MAPK6: variants seen among roughly 807,000 people sequenced by gnomAD.
The protein encoded by MAPK6 is mitogen-activated protein kinase 6, also known as ERK-3.
In MAPK6, 19 loss-of-function variants were observed where a neutral mutation model predicts 59.3. The observed-to-expected ratio is 0.32, with a 90% CI of 0.22 to 0.47. MAPK6 has a LOEUF of 0.47. Ranked by LOEUF, MAPK6 falls within the 20% of genes least tolerant of loss-of-function variation. The pLI, the probability that MAPK6 is intolerant of heterozygous loss-of-function variation, is 1.00. For synonymous variants in MAPK6, 316 were observed against 290.3 expected, an observed-to-expected ratio of 1.09 and a Z score of -0.90; for missense variants, 724 against 847.9, an observed-to-expected ratio of 0.85 and a Z score of 1.81.
At chr15:52,005,825 A>G (rs749898212) in intron 3 of MAPK6, among the ~76,000 whole-genome samples, 1 of 152,182 alleles carries the variant, frequency 6.6e-6, no homozygotes, top group African/African-American at 2.4e-5. Context: ...CGTTGGTGCC[A>G]AGACATCAGA....
At chr15:52,044,776 A>C (rs1312487156) in intron 1 of MAPK6, among the ~76,000 whole-genome samples, 2 of 152,146 alleles carry the variant, frequency 1.3e-5, no homozygotes, top group Non-Finnish European at 2.9e-5. Flanking sequence ...CTTCATATAC[A>C]TACCACCCAG....
chr15:52,046,619 T>C lies in MAPK6; in HGVS notation c.159T>C (p.Leu53=). The change falls in exon 2 of 6, where the codon CTT becomes CTC. Residue 53 remains leucine, a synonymous_variant. Coordinates refer to ENST00000261845, the MANE Select transcript of MAPK6 (RefSeq NM_002748.4). ...GAGTAGCCATCAAGAAAATTGTCCT[T>C]ACTGATCCCCAGAGTGTCAAACATG... The part of the protein sequence containing the change: ...DKRVAIKKIV[L]TDPQSVKHAL... The C allele has an allele frequency of 2.5e-6, 4 of 1,614,218 alleles. No homozygotes were observed. The highest frequency in any genetic ancestry group is 3.4e-6 in the Non-Finnish European group (4 of 1,180,028).
intron 2 of MAPK6, among the ~76,000 whole-genome samples, chr15:51,990,689 G>A (rs1294922740): frequency 1.3e-5 from 2 of 152,154 alleles, no homozygotes; most frequent in Admixed American, 6.5e-5. Flanking sequence ...AGTGGCTCAC[G>A]CCTGTAATCC....
chr15:52,019,049 A>G (rs1165162998), upstream of MAPK6: 2 of 152,142 alleles, frequency 1.3e-5, no homozygotes, highest in South Asian at 2.1e-4. Flanking sequence ...CCCCCAGGAG[A>G]CGCCGGACGA....
upstream of MAPK6, among the ~76,000 whole-genome samples, chr15:52,015,971 C>T (rs1212062089): frequency 2.0e-5 from 3 of 147,672 alleles, no homozygotes; most frequent in Non-Finnish European, 4.5e-5. Flanking sequence ...CAGGAGAATA[C>T]CTTGAACCTG....
At chr15:52,000,176 C>T (rs1025005983) in intron 2 of MAPK6, among the ~76,000 whole-genome samples, 1 of 151,788 alleles carries the variant, frequency 6.6e-6, no homozygotes, top group South Asian at 2.1e-4. Flanking sequence ...TGGGCTCAAG[C>T]TGTCCTCCTG....
rs926331013 is a variant in MAPK6 at position 52,046,228 on chromosome 15, G to A, written c.-233G>A. On this transcript the variant is annotated 5_prime_UTR_variant, in exon 2 of 6. Coordinates refer to ENST00000261845, the MANE Select transcript of MAPK6 (RefSeq NM_002748.4). ...TTGCTGCCCCTTTCTTGAACTATGAGTACTGCAATCTTTTTAATTCTCAAT... is the reference window on the plus strand; with the variant it reads ...TTGCTGCCCCTTTCTTGAACTATGAATACTGCAATCTTTTTAATTCTCAAT... The A allele has an allele frequency of 5.1e-5, 22 of 430,454 alleles. No homozygotes were observed. The highest frequency in any genetic ancestry group is 6.3e-4 in the Middle Eastern group (1 of 1,592). The allele number at this position is 430,454 out of a possible 1,614,324, so 26.7% of individuals were successfully genotyped here.
At chr15:52,052,187 A>G (rs1359683674) in intron 3 of MAPK6, among the ~76,000 whole-genome samples, 1 of 152,194 alleles carries the variant, frequency 6.6e-6, no homozygotes, top group African/African-American at 2.4e-5. Flanking sequence ...AGATGTTGGT[A>G]AGGGCAGCAG....
intron 3 of MAPK6, among the ~76,000 whole-genome samples, chr15:52,055,257 T>G (rs1459957166): frequency 1.3e-5 from 2 of 152,040 alleles, no homozygotes; most frequent in African/African-American, 4.8e-5. Flanking sequence ...AAAACAAAAA[T>G]GTAGCTGGGT....
chr15:52,054,731 C>T (rs4775997), intron 3 of MAPK6, among the ~76,000 whole-genome samples: 5,561 of 144,352 alleles, frequency 0.039, 229 homozygotes, highest in African/African-American at 0.098. Context: ...TATATCTATA[C>T]ACACACACAC....
At chr15:52,023,518 G>A (rs575126528) in intron 1 of MAPK6, among the ~76,000 whole-genome samples, 1 of 152,350 alleles carries the variant, frequency 6.6e-6, no homozygotes, top group East Asian at 1.9e-4. Context: ...TAAGGTGACA[G>A]TGATTTGGGC....
intron 2 of MAPK6, among the ~76,000 whole-genome samples, chr15:51,985,957 C>CAAAA (rs1179326978): frequency 8.0e-5 from 11 of 137,184 alleles, no homozygotes; most frequent in South Asian, 2.4e-4. Context: ...GACTCCGTCT[C>CAAAA]AAAAAAAAAA....
chr15:52,046,578 A>C lies in MAPK6; in HGVS notation c.118A>C (p.Asn40His), dbSNP rs1845193334. 6.2e-7 allele frequency: 1 copy of C among 1,614,062 alleles called. No homozygotes were observed. The highest frequency in any genetic ancestry group is 8.5e-7 in the Non-Finnish European group (1 of 1,180,024). Residue 40 changes from asparagine (N) to histidine (H), a missense_variant, in exon 2 of 6, where the codon AAT (asparagine) becomes CAT (histidine). Coordinates refer to ENST00000261845, the MANE Select transcript of MAPK6 (RefSeq NM_002748.4). Reference sequence around the variant, plus strand: ...TGGCTTGGTTTTTTCTGCTGTAGACAATGACTGTGACAAAAGAGTAGCCAT... The same window carrying C: ...TGGCTTGGTTTTTTCTGCTGTAGACCATGACTGTGACAAAAGAGTAGCCAT... ...GNGLVFSAVD[N>H]DCDKRVAIKK...
intron 2 of MAPK6, 83 bp from the exon 3 acceptor site, chr15:52,049,910 G>A (rs1201391556): frequency 1.5e-6 from 2 of 1,300,570 alleles, no homozygotes; most frequent in Non-Finnish European, 1.1e-6. Flanking sequence ...ACCACGCCTG[G>A]CAAATTAAGG....
chr15:51,978,982 AC>A (rs1397736029), intron 1 of MAPK6, among the ~76,000 whole-genome samples: 3 of 151,220 alleles, frequency 2.0e-5, no homozygotes, highest in Admixed American at 1.3e-4. Flanking sequence ...ATAGTGGCTC[AC>A]CCCTGTAGTC....
intron 1 of MAPK6, among the ~76,000 whole-genome samples, chr15:52,022,203 T>C (rs2030563124): frequency 6.6e-6 from 1 of 152,120 alleles, no homozygotes; most frequent in South Asian, 2.1e-4. Flanking sequence ...CATCCTCTGG[T>C]TTTTCTGTGT....
chr15:51,979,337 A>G (rs1292185757), intron 1 of MAPK6, among the ~76,000 whole-genome samples: 1 of 151,826 alleles, frequency 6.6e-6, no homozygotes, highest in Non-Finnish European at 1.5e-5. Context: ...ACTTGCTCAG[A>G]CATAATAACA....
At position 52,066,786 on chromosome 15, in the gene MAPK6, GTGTGTGTATA is replaced by G. The variant is rs1380246541; in HGVS notation, c.*1788_*1797del. 5.8e-5 allele frequency: 8 copies of G among 137,976 alleles called. No individual in the cohort carries two copies. The highest frequency in any genetic ancestry group is 1.9e-4 in the African/African-American group (7 of 37,018). 8.5% of individuals were successfully genotyped at this position (137,976 alleles called of 1,614,324 possible). A position where few individuals can be genotyped will look rare whatever the true frequency, so the allele number is the denominator to read the frequency against. On this transcript the variant is annotated 3_prime_UTR_variant, in exon 6 of 6. Coordinates refer to ENST00000261845, the MANE Select transcript of MAPK6 (RefSeq NM_002748.4). ...CACGTGTGTGTGTGTGTGTGTGTGTGTGTGTGTATATATATTCATTTATTTATTTTCTGGT... is the reference window on the plus strand; with the variant it reads ...CACGTGTGTGTGTGTGTGTGTGTGTGTATATTCATTTATTTATTTTCTGGT...
chr15:51,997,058 C>A (rs532484359), intron 2 of MAPK6, among the ~76,000 whole-genome samples: 2 of 152,066 alleles, frequency 1.3e-5, no homozygotes, highest in South Asian at 4.2e-4. Flanking sequence ...CAGCTCACTG[C>A]AACGTCTGCC....
Sources: allele counts gnomAD v4.1 joint callset (sites outside exome capture counted in the v4.1 genomes callset), GRCh38; gene constraint gnomAD v4.1.1; transcripts MANE v1.5; gene names NCBI Gene and HGNC (gene_info 2026-07-23, HGNC 2026-07-21).